Variants in AGBL1 observed in about 807,000 individuals in gnomAD.
AGBL1 encodes cytosolic carboxypeptidase 4.
Under a neutral mutation model 118.9 loss-of-function variants are expected in AGBL1, and 130 were observed. That is an observed-to-expected ratio of 1.09 (90% CI 0.95 to 1.26). The LOEUF (loss-of-function observed/expected upper bound fraction) is 1.26, where lower values mean the gene tolerates loss of function less well. Ranked by LOEUF, AGBL1 falls within the 50% of genes most tolerant of loss-of-function variation. The pLI is 0.00. For missense variants in AGBL1, 1,584 were observed against 1,298.1 expected (o/e 1.22, Z -3.38); for synonymous variants, 555 against 478.9 (o/e 1.16, Z -2.08).
chr15:86,684,128 C>T (rs1055394496), intron 22 of AGBL1, among the ~76,000 whole-genome samples: 2 of 152,028 alleles, frequency 1.3e-5, no homozygotes, highest in African/African-American at 4.8e-5. Flanking sequence ...GGCTAATGAA[C>T]AGGAGAAGAA....
chr15:86,747,587 T>C (rs555365163), intron 22 of AGBL1, among the ~76,000 whole-genome samples: 1 of 152,290 alleles, frequency 6.6e-6, no homozygotes, highest in South Asian at 2.1e-4. Context: ...CATTAACTCG[T>C]CATTTACATT....
intron 21 of AGBL1, among the ~76,000 whole-genome samples, chr15:86,582,863 G>A (rs956482334): frequency 6.7e-6 from 1 of 149,096 alleles, no homozygotes; most frequent in Non-Finnish European, 1.5e-5. Context: ...GACTGTTGTG[G>A]GGTTGGGGGA....
intron 21 of AGBL1, among the ~76,000 whole-genome samples, chr15:86,562,886 C>T (rs1037051597): frequency 6.6e-6 from 1 of 152,024 alleles, no homozygotes; most frequent in African/African-American, 2.4e-5. Flanking sequence ...GTGCATGTGT[C>T]CAGGAGTTTA....
At chr15:86,599,833 A>C (rs921836426) in intron 21 of AGBL1, among the ~76,000 whole-genome samples, 1 of 152,118 alleles carries the variant, frequency 6.6e-6, no homozygotes, top group African/African-American at 2.4e-5. Context: ...CAATTGGTTA[A>C]TAACAAATTG....
chr15:86,558,687 G>A (rs1260913936), intron 21 of AGBL1, among the ~76,000 whole-genome samples: 1 of 152,180 alleles, frequency 6.6e-6, no homozygotes, highest in Non-Finnish European at 1.5e-5. Context: ...TAGTGGGGAT[G>A]AGTTTCATAT....
intron 23 of AGBL1, chr15:86,946,284 T>G (rs1010445471): frequency 2.6e-5 from 4 of 152,212 alleles, no homozygotes; most frequent in African/African-American, 9.6e-5. Flanking sequence ...TCTTGCCTGA[T>G]GGCCAGAAAA....
intron 5 of AGBL1, among the ~76,000 whole-genome samples, chr15:86,191,622 G>A (rs545875024): frequency 1.1e-4 from 16 of 152,092 alleles, no homozygotes; most frequent in South Asian, 4.1e-4. Flanking sequence ...AATGCCAACC[G>A]TTGTGAATGA....
Position 86,534,261 on chromosome 15 carries a change from A to T in AGBL1, c.2685+11322A>T, listed in dbSNP as rs558713051. The stretch of plus-strand genomic sequence containing the variant: ...AAGGCCCATGTGAGCTTTGATAGGA[A>T]CATAGATGAAGGGTTGAGTCATTTT... On this transcript the variant is annotated intron_variant, in intron 19 of 22. Coordinates refer to ENST00000614907, the MANE Select transcript of AGBL1 (RefSeq NM_001386094.1). 5.3e-5 allele frequency among the ~76,000 whole-genome samples: 8 copies of T among 152,300 alleles called. No individual in the cohort carries two copies. In the East Asian group the frequency reaches 1.5e-3, roughly 29 times the overall value.
chr15:86,936,904 T>C (rs2080683015), intron 23 of AGBL1, among the ~76,000 whole-genome samples: 1 of 152,188 alleles, frequency 6.6e-6, no homozygotes, highest in Non-Finnish European at 1.5e-5. Flanking sequence ...CAACTATGCA[T>C]CTGACAAAGG....
intron 18 of AGBL1, among the ~76,000 whole-genome samples, chr15:86,432,739 A>C (rs1305710782): frequency 6.6e-6 from 1 of 152,234 alleles, no homozygotes; most frequent in African/African-American, 2.4e-5. Context: ...AGGTAGGGAG[A>C]TCTAAAGCCT....
chr15:86,747,405 T>C (rs1384729440), intron 22 of AGBL1, among the ~76,000 whole-genome samples: 1 of 152,022 alleles, frequency 6.6e-6, no homozygotes, highest in East Asian at 1.9e-4. Flanking sequence ...TAATAAAACA[T>C]ACAAAATTGC....
rs531978187 is a variant in AGBL1, at chr15:86,691,093, CAAAG to C, written c.3158+16658_3158+16661del. 2.6e-3 allele frequency among the ~76,000 whole-genome samples: 396 copies of C among 151,536 alleles called. 1 individual carries two copies. The highest frequency in any genetic ancestry group is 9.0e-3 in the African/African-American group (372 of 41,302). ...AATTTTCTCTATTAAGAAGTGGAGA[CAAAG>C]GAAGAACAAAGACATATTTGTTACG... On this transcript the variant is annotated intron_variant, in intron 22 of 22. Transcript: ENST00000614907.
intron 18 of AGBL1, among the ~76,000 whole-genome samples, chr15:86,499,448 GACAA>G (rs1176171048): frequency 1.3e-5 from 2 of 151,860 alleles, no homozygotes; most frequent in African/African-American, 4.8e-5. Context: ...GCTGGGCTTA[GACAA>G]AGAAATATTT....
chr15:86,455,360 T>A (rs1381606544), intron 18 of AGBL1, among the ~76,000 whole-genome samples: 3 of 152,156 alleles, frequency 2.0e-5, no homozygotes, highest in Non-Finnish European at 4.4e-5. Context: ...TTTTCCAAAG[T>A]CTCTAAGAGT....
chr15:86,168,837 C>A (rs1394486701), intron 5 of AGBL1, among the ~76,000 whole-genome samples: 1 of 152,144 alleles, frequency 6.6e-6, no homozygotes, highest in Non-Finnish European at 1.5e-5. Context: ...TTGTCTTGAT[C>A]TCAATTGCAT....
At chr15:86,799,602 A>G (rs1265842376) in intron 22 of AGBL1, among the ~76,000 whole-genome samples, 1 of 152,180 alleles carries the variant, frequency 6.6e-6, no homozygotes, top group Non-Finnish European at 1.5e-5. Flanking sequence ...TGTAAAATCT[A>G]GAATTCTTGC....
At chr15:86,536,556 G>A (rs1387513762) in intron 19 of AGBL1, among the ~76,000 whole-genome samples, 2 of 152,072 alleles carry the variant, frequency 1.3e-5, no homozygotes, top group Admixed American at 1.3e-4. Context: ...TGATCTGCCC[G>A]CCTCGGCCTC....
At position 86,696,597 on chromosome 15, in the gene AGBL1, G is replaced by T. The variant is rs543862542; in HGVS notation, c.3158+22161G>T. Among the ~76,000 whole-genome samples, 7 of 151,916 alleles carry T rather than the reference G, an allele frequency of 4.6e-5. No homozygotes were observed. In the South Asian group the frequency reaches 1.2e-3, roughly 27 times the overall value. On this transcript the variant is annotated intron_variant, in intron 22 of 22. Transcript: ENST00000614907. The stretch of plus-strand genomic sequence containing the variant: ...TTTAGGCCATTTACATCCAATGTTA[G>T]TATTGAGATGTGAGGTACTATTCCG...
At chr15:86,632,274 TA>T (rs138490379) in intron 21 of AGBL1, among the ~76,000 whole-genome samples, 144 of 125,288 alleles carry the variant, frequency 1.1e-3, no homozygotes, top group Middle Eastern at 4.3e-3. Context: ...TCTTTCTCTT[TA>T]AAAAAAAAAA....
Sources: allele counts gnomAD v4.1 joint callset (sites outside exome capture counted in the v4.1 genomes callset), GRCh38; gene constraint gnomAD v4.1.1; transcripts MANE v1.5; gene names NCBI Gene and HGNC (gene_info 2026-07-23, HGNC 2026-07-21).